PCDHGA3: variants seen among roughly 807,000 people sequenced by gnomAD.
PCDHGA3 encodes protocadherin gamma-A3.
Under a neutral mutation model 58.5 loss-of-function variants are expected in PCDHGA3, and 40 were observed. The observed-to-expected ratio is 0.68, with a 90% CI of 0.53 to 0.89. The LOEUF is 0.89. PCDHGA3 is among the 40% of genes least tolerant of loss of function. PCDHGA3 has a pLI of 0.00. For synonymous variants in PCDHGA3, 530 were observed against 525.7 expected (o/e 1.01, Z -0.11); for missense variants, 1,223 against 1,195.9 (o/e 1.02, Z -0.33).
Position 141,346,038 on chromosome 5 carries a change from C to T in PCDHGA3, c.2005C>T (p.Pro669Ser), listed in dbSNP as rs767383740. 89 of 1,613,338 alleles carry T rather than the reference C, an allele frequency of 5.5e-5. No homozygotes were observed. In the Admixed American group the frequency reaches 6.3e-4, roughly 11 times the overall value. The change falls in exon 1 of 4, where the codon CCC (proline) becomes TCC (serine). Residue 669 changes from proline (P) to serine (S), a missense_variant. By Grantham distance (74) the Pro-to-Ser change is moderately conservative. Transcript: ENST00000253812. ...CACCGTGGCCGTGGCCGACAGGATCCCCGACATCCTGGCCGACCTGGGCAG... is the reference window on the plus strand; with the variant it reads ...CACCGTGGCCGTGGCCGACAGGATCTCCGACATCCTGGCCGACCTGGGCAG... Reference protein sequence around the residue: ...TLTVAVADRIPDILADLGSLE... With the variant: ...TLTVAVADRISDILADLGSLE...
At chr5:141,458,403 C>T (rs1057108239) in intron 1 of PCDHGA3, among the ~76,000 whole-genome samples, 6 of 152,136 alleles carry the variant, frequency 3.9e-5, no homozygotes, top group African/African-American at 1.2e-4. Context: ...CTTGCAGAGA[C>T]GGAGCGGGGG....
intron 1 of PCDHGA3, chr5:141,361,439 G>T (rs778817217): frequency 1.2e-6 from 2 of 1,614,032 alleles, no homozygotes. Context: ...CTCTCCTCCA[G>T]CATAATTGTC....
In PCDHGA3 at chr5:141,493,755, A is replaced by C. The variant is rs1364524112; in HGVS notation, c.2425-1052A>C. Among the ~76,000 whole-genome samples, 1 of 152,148 alleles carries C rather than the reference A, an allele frequency of 6.6e-6. No homozygotes were observed. The highest frequency in any genetic ancestry group is 2.4e-5 in the African/African-American group (1 of 41,440). On this transcript the variant is annotated intron_variant, in intron 1 of 3. Coordinates refer to ENST00000253812, the MANE Select transcript of PCDHGA3 (RefSeq NM_018916.4). The surrounding 1 kb of genome is among the most constrained non-coding windows in gnomAD (Gnocchi z 4.3). ...ATATCACTGCCACCTGTGAGCCTTG[A>C]GTGAGCCACTGGCAGTTCCGGAGCT...
intron 1 of PCDHGA3, chr5:141,384,930 C>A (rs764481830): frequency 6.2e-7 from 1 of 1,614,060 alleles, no homozygotes; most frequent in Admixed American, 1.7e-5. Flanking sequence ...ACCTGGGCAG[C>A]CTTGAGCCCT....
At chr5:141,430,396 A>G (rs1433813025) in intron 1 of PCDHGA3, among the ~76,000 whole-genome samples, 5 of 151,842 alleles carry the variant, frequency 3.3e-5, no homozygotes, top group Non-Finnish European at 7.4e-5. Context: ...AAAAAAAAAA[A>G]GCTCACTAAA....
intron 1 of PCDHGA3, chr5:141,410,252 C>T (rs3749768): frequency 0.048 from 77,060 of 1,613,996 alleles, 2,017 homozygotes; most frequent in South Asian, 0.077. Flanking sequence ...ACTCTCTGAC[C>T]CCCAGGCTGA....
chr5:141,499,599 C>G (rs2099792919), intron 2 of PCDHGA3, among the ~76,000 whole-genome samples: 2 of 152,102 alleles, frequency 1.3e-5, no homozygotes, highest in South Asian at 4.1e-4. Context: ...TCACCTATAT[C>G]CCTACCCTTA....
rs762238827 is a variant in PCDHGA3 at position 141,487,202 on chromosome 5, C to T, written c.2425-7605C>T. ...CACTCATCCAGTTGTCCCAGATCTT[C>T]GAGAATCTTCAGCTCCAAGGGAAGG... On this transcript the variant is annotated intron_variant, in intron 1 of 3. Coordinates refer to ENST00000253812, the MANE Select transcript of PCDHGA3 (RefSeq NM_018916.4). This position sits in a 1 kb window ranked among gnomAD's most constrained non-coding sequence, Gnocchi z 5.0. 7 of 1,613,660 alleles carry T rather than the reference C, an allele frequency of 4.3e-6. No homozygotes were observed. The highest frequency in any genetic ancestry group is 1.7e-5 in the Admixed American group (1 of 59,992).
At position 141,491,257 on chromosome 5, in the gene PCDHGA3, G is replaced by GAAAT. The variant is rs1562145331; in HGVS notation, c.2425-3549_2425-3546dup. On this transcript the variant is annotated intron_variant, in intron 1 of 3. Transcript: ENST00000253812. The surrounding 1 kb of genome is among the most constrained non-coding windows in gnomAD (Gnocchi z 6.9). ...GGTTCTGGAGGATGAGGACCCTGAG[G>GAAAT]AAATGCCCAAATCCAGTGACTTCCT... is the stretch of plus-strand genomic sequence containing the variant. 6.2e-7 allele frequency: 1 copy of GAAAT among 1,614,170 alleles called. No individual in the cohort carries two copies. Among genetic ancestry groups the GAAAT allele is most frequent in the East Asian group, 2.2e-5 (1 of 44,884 alleles).
intron 1 of PCDHGA3, chr5:141,371,710 CTCT>C: frequency 6.2e-7 from 1 of 1,614,076 alleles, no homozygotes; most frequent in Non-Finnish European, 8.5e-7. Flanking sequence ...AAGACCATCA[CTCT>C]GCACATCCTT....
At chr5:141,429,378 T>TTTG (rs2097208019) in intron 1 of PCDHGA3, among the ~76,000 whole-genome samples, 1 of 105,336 alleles carries the variant, frequency 9.5e-6, no homozygotes, top group African/African-American at 5.2e-5. Flanking sequence ...AGAAAATGTG[T>TTTG]TTTTTTTTTA....
In PCDHGA3 at chr5:141,477,191, A is replaced by G; in HGVS notation, c.2425-17616A>G. ...GGAGATCACAGTCACCTCCGTGTACAGCCCAGTACCCGAGGATGCCCCTCT... is the reference window on the plus strand; with the variant it reads ...GGAGATCACAGTCACCTCCGTGTACGGCCCAGTACCCGAGGATGCCCCTCT... On this transcript the variant is annotated intron_variant, in intron 1 of 3. Transcript: ENST00000253812. This position sits in a 1 kb window ranked among gnomAD's most constrained non-coding sequence, Gnocchi z 4.9. 5.0e-6 allele frequency: 8 copies of G among 1,614,210 alleles called. No homozygotes were observed. The highest frequency in any genetic ancestry group is 6.8e-6 in the Non-Finnish European group (8 of 1,180,044).
intron 1 of PCDHGA3, among the ~76,000 whole-genome samples, chr5:141,363,897 C>T (rs925245395): frequency 6.6e-6 from 1 of 152,090 alleles, no homozygotes; most frequent in Admixed American, 6.5e-5. Flanking sequence ...CCCCCGATGA[C>T]GCATTAAATA....
At chr5:141,414,233 T>A in intron 1 of PCDHGA3, 1 of 1,613,474 alleles carries the variant, frequency 6.2e-7, no homozygotes, top group Non-Finnish European at 8.5e-7. Flanking sequence ...GAGCTGACCA[T>A]CACGTCTCTA....
intron 1 of PCDHGA3, among the ~76,000 whole-genome samples, chr5:141,349,365 A>T (rs1438185685): frequency 6.6e-6 from 1 of 152,128 alleles, no homozygotes; most frequent in South Asian, 2.1e-4. Flanking sequence ...CACCCAGCCT[A>T]GAGTATTTAA....
chr5:141,427,991 C>T (rs748924488), intron 1 of PCDHGA3: 1 of 1,599,024 alleles, frequency 6.3e-7, no homozygotes, highest in Non-Finnish European at 8.6e-7. Context: ...GGCCCGATGG[C>T]TCCGCACTCT....
intron 1 of PCDHGA3, among the ~76,000 whole-genome samples, chr5:141,346,686 T>C (rs1034034390): frequency 1.3e-5 from 2 of 152,174 alleles, no homozygotes; most frequent in Non-Finnish European, 2.9e-5. Context: ...GAAAGTAAAG[T>C]GTCACTTCCT....
chr5:141,450,838 T>A (rs2098698352), intron 1 of PCDHGA3, among the ~76,000 whole-genome samples: 1 of 149,278 alleles, frequency 6.7e-6, no homozygotes, highest in African/African-American at 2.5e-5. Flanking sequence ...TATTTTTTTT[T>A]TTTTGAGATG....
At chr5:141,448,488 C>A (rs568050769) in intron 1 of PCDHGA3, among the ~76,000 whole-genome samples, 1 of 152,280 alleles carries the variant, frequency 6.6e-6, no homozygotes, top group African/African-American at 2.4e-5. Context: ...TTCCTCCTGT[C>A]CCCTGTAGGT....
Sources: gnomAD v4.1 joint callset for allele counts (sites outside exome capture counted in the v4.1 genomes callset) on GRCh38, gnomAD v4.1.1 for gene constraint, Gnocchi (gnomAD v3.1) non-coding constraint, MANE v1.5 for transcripts, NCBI Gene and HGNC (gene_info 2026-07-23, HGNC 2026-07-21) for gene names.